The following CLEC2D variants were observed in gnomAD, a reference collection of about 807,000 sequenced individuals.
CLEC2D encodes the protein C-type lectin related f.
CLEC2D carries 16 observed loss-of-function variants against 20.0 expected under a neutral mutation model. The observed-to-expected ratio is 0.80, with a 90% CI of 0.54 to 1.22. The LOEUF is 1.22. Ranked by LOEUF, CLEC2D falls within the 50% of genes most tolerant of loss-of-function variation. The pLI is 0.00. For missense variants in CLEC2D, 207 were observed against 221.5 expected (o/e 0.93, Z 0.42); for synonymous variants, 77 against 71.1 (o/e 1.08, Z -0.42).
chr12:9,685,688 G>A (rs1865733445), intron 2 of CLEC2D, among the ~76,000 whole-genome samples: 1 of 152,082 alleles, frequency 6.6e-6, no homozygotes, highest in Non-Finnish European at 1.5e-5. Flanking sequence ...CCTCAGTAAT[G>A]GCGGATGCAC....
rs200079883 is a variant in CLEC2D, at chr12:9,687,938, G to A, written c.209G>A (p.Cys70Tyr). 2.5e-6 allele frequency: 4 copies of A among 1,609,022 alleles called. No individual in the cohort carries two copies. Among genetic ancestry groups the A allele is most frequent in the Non-Finnish European group, 3.4e-6 (4 of 1,177,252 alleles). The change falls in exon 3 of 5, where the codon TGT becomes TAT. Residue 70 changes from cysteine (C) to tyrosine (Y), a missense_variant. Transcript: ENST00000290855. The part of the protein sequence containing the change: ...RANCHQEPSV[C>Y]LQAACPESWI... ...AACTGCCATCAAGAGCCATCAGTAT[G>A]TCTTCAAGCTGCATGCCCAGAAAGC...
intron 1 of CLEC2D, among the ~76,000 whole-genome samples, chr12:9,673,614 C>T (rs1424321378): frequency 3.3e-5 from 5 of 152,236 alleles, no homozygotes; most frequent in African/African-American, 4.8e-5. Flanking sequence ...TCCCACTCAT[C>T]GGGTTCATCT....
At chr12:9,673,788 C>T (rs1409596529) in intron 1 of CLEC2D, among the ~76,000 whole-genome samples, 1 of 152,180 alleles carries the variant, frequency 6.6e-6, no homozygotes, top group Non-Finnish European at 1.5e-5. Flanking sequence ...GGAGGGATGG[C>T]TCAGGGTCCC....
chr12:9,689,147 C>T (rs1865813861), intron 3 of CLEC2D, among the ~76,000 whole-genome samples: 1 of 152,344 alleles, frequency 6.6e-6, no homozygotes, highest in African/African-American at 2.4e-5. Context: ...CATCAGTCCT[C>T]ATCAGCTGAA....
At chr12:9,693,381 C>T (rs971369440) in intron 4 of CLEC2D, 2 of 299,476 alleles carry the variant, frequency 6.7e-6, no homozygotes, top group African/African-American at 2.2e-5. Context: ...TAAAGTTTGG[C>T]ACTAGAAAAT....
At position 9,696,520 on chromosome 12, in the gene CLEC2D, T is replaced by C; in HGVS notation, c.*1646T>C. The C allele has an allele frequency of 4.6e-6, 1 of 219,182 alleles. No homozygotes were observed. The highest frequency in any genetic ancestry group is 1.1e-4 in the South Asian group (1 of 8,944). The allele number at this position is 219,182 out of a possible 1,614,324, so 13.6% of individuals were successfully genotyped here. A position where few individuals can be genotyped will look rare whatever the true frequency, so the allele number is the denominator to read the frequency against. The stretch of plus-strand genomic sequence containing the variant: ...TGGTGGGGAGACAAAAGTATACACG[T>C]GAAATAAAACTCAGTATTTTAATAA... On this transcript the variant is annotated 3_prime_UTR_variant, in exon 5 of 5. Coordinates refer to ENST00000290855, the MANE Select transcript of CLEC2D (RefSeq NM_013269.6).
intron 2 of CLEC2D, among the ~76,000 whole-genome samples, chr12:9,686,700 A>G (rs867066112): frequency 4.6e-5 from 7 of 152,182 alleles, no homozygotes; most frequent in Middle Eastern, 3.2e-3. Context: ...ACTGGTAGCT[A>G]CTAGGGGCTC....
rs1202151298 is a variant in CLEC2D at position 9,694,814 on chromosome 12, T to C, written c.516T>C (p.Ser172=). 6.2e-7 allele frequency: 1 copy of C among 1,613,160 alleles called. No individual in the cohort carries two copies. The highest frequency in any genetic ancestry group is 1.1e-5 in the South Asian group (1 of 91,064). Residue 172 remains serine (S), a synonymous_variant, in exon 5 of 5, where the codon AGT becomes AGC. Coordinates refer to ENST00000290855, the MANE Select transcript of CLEC2D (RefSeq NM_013269.6). The part of the protein sequence containing the change: ...ECAYLNDKGA[S]SARHYTERKW... ...CCTATTTGAATGACAAAGGTGCCAG[T>C]AGTGCCAGGCACTACACAGAGAGGA...
In CLEC2D at chr12:9,692,870, G is replaced by C; in HGVS notation, c.400G>C (p.Gly134Arg). 6.2e-7 allele frequency: 1 copy of C among 1,613,584 alleles called. No individual in the cohort carries two copies. Among genetic ancestry groups the C allele is most frequent in the Non-Finnish European group, 8.5e-7 (1 of 1,179,692 alleles). Reference sequence around the variant, plus strand: ...TAAAGGCCCATCTGATCACTGGATTGGGCTGAGCAGAGAACAAGGCCAACC... The same window carrying C: ...TAAAGGCCCATCTGATCACTGGATTCGGCTGAGCAGAGAACAAGGCCAACC... Reference protein sequence around the residue: ...RYKGPSDHWIGLSREQGQPWK... With the variant: ...RYKGPSDHWIRLSREQGQPWK... Residue 134 changes from glycine to arginine, a missense_variant, in exon 4 of 5, where the codon GGG becomes CGG. Coordinates refer to ENST00000290855, the MANE Select transcript of CLEC2D (RefSeq NM_013269.6).
chr12:9,694,773 G>C lies in CLEC2D; in HGVS notation c.475G>C (p.Gly159Arg). The change falls in exon 5 of 5, where the codon GGA (glycine) becomes CGA (arginine). Residue 159 changes from glycine to arginine, a missense_variant. Physicochemically the swap from Gly to Arg is moderately radical, Grantham distance 125 (BLOSUM62 -2). Transcript: ENST00000290855. ...CTTCTCTTGCAGGTTTCCTATCCTG[G>C]GAGCAGGAGAGTGTGCCTATTTGAA... Reference protein sequence around the residue: ...TEWTRQFPILGAGECAYLNDK... With the variant: ...TEWTRQFPILRAGECAYLNDK... 1 of 1,605,268 alleles carries C rather than the reference G, an allele frequency of 6.2e-7. No homozygotes were observed.
At chr12:9,684,323 A>G (rs976424014) in intron 2 of CLEC2D, among the ~76,000 whole-genome samples, 2 of 152,220 alleles carry the variant, frequency 1.3e-5, no homozygotes, top group African/African-American at 4.8e-5. Context: ...TCATCTGCAA[A>G]CAGAGATAAT....
intron 1 of CLEC2D, among the ~76,000 whole-genome samples, chr12:9,674,531 GT>G (rs1362993490): frequency 6.6e-6 from 1 of 152,208 alleles, no homozygotes; most frequent in African/African-American, 2.4e-5. Flanking sequence ...AGCTGTTTCT[GT>G]TTGGCCATTT....
At chr12:9,694,154 C>T (rs764620230) in intron 4 of CLEC2D, among the ~76,000 whole-genome samples, 1 of 151,864 alleles carries the variant, frequency 6.6e-6, no homozygotes, top group Non-Finnish European at 1.5e-5. Flanking sequence ...ATTAACTAAC[C>T]AGTTTTTGGA....
chr12:9,688,259 A>AC (rs1865796510), intron 3 of CLEC2D, 173 bp downstream of exon 3: 37 of 1,185,834 alleles, frequency 3.1e-5, no homozygotes, highest in Non-Finnish European at 3.9e-5. Context: ...TTTACAGTGA[A>AC]CCATCTAAAA....
intron 1 of CLEC2D, chr12:9,680,062 G>A (rs934705338): frequency 6.4e-6 from 1 of 155,456 alleles, no homozygotes; most frequent in Middle Eastern, 3.2e-3. Flanking sequence ...ATCCCCACTT[G>A]TCATGGGAGG....
At chr12:9,685,516 T>C (rs1392494155) in intron 2 of CLEC2D, among the ~76,000 whole-genome samples, 1 of 152,226 alleles carries the variant, frequency 6.6e-6, no homozygotes, top group African/African-American at 2.4e-5. Context: ...GGCTGCTGCC[T>C]TTCTTTCAGA....
chr12:9,695,171 A>G lies in CLEC2D; in HGVS notation c.*297A>G. ...GCTGGGGAGGTCTTGCAATCATGAC[A>G]GAAGGCAAATGGGAAGCAAAGTCAT... On this transcript the variant is annotated 3_prime_UTR_variant, in exon 5 of 5. Coordinates refer to ENST00000290855, the MANE Select transcript of CLEC2D (RefSeq NM_013269.6). 1 of 586,344 alleles carries G rather than the reference A, an allele frequency of 1.7e-6. No individual in the cohort carries two copies. Among genetic ancestry groups the G allele is most frequent in the Non-Finnish European group, 3.0e-6 (1 of 329,128 alleles). 36.3% of individuals were successfully genotyped at this position (586,344 alleles called of 1,614,324 possible). A position where few individuals can be genotyped will look rare whatever the true frequency, so the allele number is the denominator to read the frequency against.
intron 2 of CLEC2D, among the ~76,000 whole-genome samples, chr12:9,685,587 A>AGTGG (rs1865731124): frequency 2.6e-5 from 4 of 152,126 alleles, no homozygotes; most frequent in Non-Finnish European, 5.9e-5. Context: ...GCTTTGCTGC[A>AGTGG]CTGGCTTTGC....
At chr12:9,687,479 T>G (rs1159169376) in intron 2 of CLEC2D, among the ~76,000 whole-genome samples, 2 of 152,238 alleles carry the variant, frequency 1.3e-5, no homozygotes, top group Non-Finnish European at 2.9e-5. Flanking sequence ...GCCTGCTTCC[T>G]GACTCATCCA....
Sources: gnomAD v4.1 joint callset for allele counts (sites outside exome capture counted in the v4.1 genomes callset) on GRCh38, gnomAD v4.1.1 for gene constraint, MANE v1.5 for transcripts, NCBI Gene and HGNC (gene_info 2026-07-23, HGNC 2026-07-21) for gene names.